PPM1E: variants seen among roughly 807,000 people sequenced by gnomAD.
PPM1E encodes protein phosphatase, Mg2+/Mn2+ dependent 1E.
Under a neutral mutation model 65.9 loss-of-function variants are expected in PPM1E, and 20 were observed. The observed-to-expected ratio is 0.30, with a 90% CI of 0.21 to 0.44. PPM1E has a LOEUF of 0.44. Among genes scored for constraint, PPM1E ranks in the 20% least tolerant of loss-of-function variants. The pLI, the probability that PPM1E is intolerant of heterozygous loss-of-function variation, is 1.00. For missense variants in PPM1E, 713 were observed against 953.1 expected (o/e 0.75, Z 3.32); for synonymous variants, 352 against 374.9 (o/e 0.94, Z 0.70).
intron 1 of PPM1E, among the ~76,000 whole-genome samples, chr17:58,909,612 C>T (rs1167396978): frequency 6.6e-6 from 1 of 152,018 alleles, no homozygotes; most frequent in Non-Finnish European, 1.5e-5. Flanking sequence ...TTCTCTCAAC[C>T]CTTTTTTCAC....
At chr17:58,937,721 A>C (rs2052002523) in intron 1 of PPM1E, among the ~76,000 whole-genome samples, 1 of 150,176 alleles carries the variant, frequency 6.7e-6, no homozygotes. Flanking sequence ...CTAATAGTAA[A>C]CTACAAAAAT....
intron 1 of PPM1E, among the ~76,000 whole-genome samples, chr17:58,816,774 ATATATATATATATATATATATTTTTT>A (rs1490364413): frequency 0.019 from 258 of 13,842 alleles, 3 homozygotes; most frequent in Non-Finnish European, 0.033. Flanking sequence ...ATATATATAT[ATATATATATATATATATATATTTTTT>A]TTTTTTTTTT....
chr17:58,860,805 A>G (rs1259252849), intron 1 of PPM1E, among the ~76,000 whole-genome samples: 1 of 152,078 alleles, frequency 6.6e-6, no homozygotes, highest in Non-Finnish European at 1.5e-5. Context: ...TTAGCCGGGC[A>G]TGGTGCACAT....
chr17:58,793,683 T>C (rs2050178418), intron 1 of PPM1E, among the ~76,000 whole-genome samples: 1 of 152,020 alleles, frequency 6.6e-6, no homozygotes, highest in Admixed American at 6.6e-5. Flanking sequence ...GTTTATATAG[T>C]GATAAAGTTA....
At chr17:58,759,013 T>G (rs1166973861) in intron 1 of PPM1E, among the ~76,000 whole-genome samples, 1 of 152,078 alleles carries the variant, frequency 6.6e-6, no homozygotes, top group Non-Finnish European at 1.5e-5. Flanking sequence ...GAGGTTGCAG[T>G]GAGCCAAGAT....
intron 1 of PPM1E, among the ~76,000 whole-genome samples, chr17:58,794,518 A>G (rs1377160190): frequency 2.0e-5 from 3 of 152,166 alleles, no homozygotes; most frequent in Non-Finnish European, 4.4e-5. Context: ...CTCAGGTAAT[A>G]AGCATAGTAC....
At chr17:58,968,512 CT>C (rs1255082660) in intron 3 of PPM1E, among the ~76,000 whole-genome samples, 3 of 152,204 alleles carry the variant, frequency 2.0e-5, no homozygotes, top group Non-Finnish European at 4.4e-5. Flanking sequence ...GAGACAGCAA[CT>C]CGTCCCTGCC....
At chr17:58,969,471 C>A in intron 3 of PPM1E, 68 bp from the exon 4 acceptor site, 1 of 1,454,914 alleles carries the variant, frequency 6.9e-7, no homozygotes, top group Non-Finnish European at 9.7e-7. Context: ...ACAATGATGC[C>A]AGGAGATTGG....
rs991074526 is a variant in PPM1E, at chr17:58,905,797, A to G, written c.465-49852A>G. Among the ~76,000 whole-genome samples, 5 of 152,242 alleles carry G rather than the reference A, an allele frequency of 3.3e-5. No individual in the cohort carries two copies. In the East Asian group the frequency reaches 5.8e-4, roughly 18 times the overall value. ...TTAATTTTTGTGGGTTAATAGGTGC[A>G]CTAATTAATTAATAGGTGTATTAAT... On this transcript the variant is annotated intron_variant, in intron 1 of 6. Coordinates refer to ENST00000308249, the MANE Select transcript of PPM1E (RefSeq NM_014906.5).
Position 58,983,155 on chromosome 17 carries a change from T to G in PPM1E, c.*2124T>G, listed in dbSNP as rs1008776002. The G allele has an allele frequency of 4.1e-5, 19 of 459,008 alleles. No individual in the cohort carries two copies. Among genetic ancestry groups the G allele is most frequent in the Non-Finnish European group, 7.0e-5 (18 of 256,816 alleles). The allele number at this position is 459,008 out of a possible 1,614,324, so 28.4% of individuals were successfully genotyped here. A position where few individuals can be genotyped will look rare whatever the true frequency, so the allele number is the denominator to read the frequency against. On this transcript the variant is annotated 3_prime_UTR_variant, in exon 7 of 7. Coordinates refer to ENST00000308249, the MANE Select transcript of PPM1E (RefSeq NM_014906.5). ...AAACACAGACCCATCTTTAGGGGTC[T>G]GGATTTTGTAGGTCCGACTACACAG... is the stretch of plus-strand genomic sequence containing the variant.
At chr17:58,820,126 G>A (rs931996112) in intron 1 of PPM1E, among the ~76,000 whole-genome samples, 2 of 151,980 alleles carry the variant, frequency 1.3e-5, no homozygotes, top group African/African-American at 2.4e-5. Flanking sequence ...GAGAACCAGG[G>A]GGATGGTGCT....
At chr17:58,937,348 C>T (rs61350506) in intron 1 of PPM1E, among the ~76,000 whole-genome samples, 26,473 of 146,318 alleles carry the variant, frequency 0.18, 2,555 homozygotes, top group Non-Finnish European at 0.21. Context: ...ACTGCAACCT[C>T]CACCTCCCCA....
At chr17:58,810,657 A>G (rs1271149102) in intron 1 of PPM1E, among the ~76,000 whole-genome samples, 1 of 152,108 alleles carries the variant, frequency 6.6e-6, no homozygotes, top group East Asian at 1.9e-4. Flanking sequence ...GCTGCCTTTG[A>G]TGATCTTTGC....
intron 1 of PPM1E, among the ~76,000 whole-genome samples, chr17:58,952,076 G>A (rs2052247353): frequency 1.3e-5 from 2 of 152,170 alleles, no homozygotes; most frequent in African/African-American, 2.4e-5. Flanking sequence ...ATGGTTCTAG[G>A]TGGACACAGT....
chr17:58,787,839 G>A (rs1352240818), intron 1 of PPM1E, among the ~76,000 whole-genome samples: 1 of 150,594 alleles, frequency 6.6e-6, no homozygotes, highest in Admixed American at 6.6e-5. Context: ...CCTGGGAGGT[G>A]GAGCTTGCAG....
intron 1 of PPM1E, among the ~76,000 whole-genome samples, chr17:58,927,399 G>T (rs1251300569): frequency 6.6e-6 from 1 of 151,682 alleles, no homozygotes; most frequent in Non-Finnish European, 1.5e-5. Context: ...CAAAGTGCTG[G>T]GATTACAGGC....
intron 1 of PPM1E, among the ~76,000 whole-genome samples, chr17:58,790,678 G>GGA (rs2050148619): frequency 6.6e-6 from 1 of 152,088 alleles, no homozygotes; most frequent in Admixed American, 6.6e-5. Flanking sequence ...CAAGCCACAT[G>GGA]GAGAGGCCTT....
chr17:58,921,071 T>G (rs1336124301), intron 1 of PPM1E, among the ~76,000 whole-genome samples: 4 of 152,154 alleles, frequency 2.6e-5, no homozygotes, highest in African/African-American at 9.7e-5. Flanking sequence ...GAATTGACAG[T>G]TGGATTTGGC....
At chr17:58,905,288 C>T (rs775703451) in intron 1 of PPM1E, among the ~76,000 whole-genome samples, 1 of 152,154 alleles carries the variant, frequency 6.6e-6, no homozygotes, top group Non-Finnish European at 1.5e-5. Context: ...TGTTCCTGAT[C>T]TTAGTAGGAA....
Sources: gnomAD v4.1 joint callset for allele counts (sites outside exome capture counted in the v4.1 genomes callset) on GRCh38, gnomAD v4.1.1 for gene constraint, MANE v1.5 for transcripts, NCBI Gene and HGNC (gene_info 2026-07-23, HGNC 2026-07-21) for gene names.